SLC9A7: variants seen among roughly 807,000 people sequenced by gnomAD.
SLC9A7 encodes solute carrier family 9 member A7, also known as sodium/hydrogen exchanger 7.
Under a neutral mutation model 52.6 loss-of-function variants are expected in SLC9A7, and 19 were observed. The observed-to-expected ratio is 0.36, with a 90% confidence interval of 0.25 to 0.53. The LOEUF (loss-of-function observed/expected upper bound fraction) is 0.53, where lower values mean the gene tolerates loss of function less well. Ranked by LOEUF, SLC9A7 falls within the 20% of genes least tolerant of loss-of-function variation. The probability of loss-of-function intolerance (pLI) is 0.91; values close to 1 mark genes in which losing one functional copy is unlikely to be tolerated. For missense variants in SLC9A7, 455 were observed against 597.9 expected, an observed-to-expected ratio of 0.76 and a Z score of 2.49; for synonymous variants, 226 against 252.1, an observed-to-expected ratio of 0.90 and a Z score of 0.98.
chrX:46,744,154 T>C (rs1423201850), intron 1 of SLC9A7, among the ~76,000 whole-genome samples: 1 of 112,272 alleles, frequency 8.9e-6, no homozygotes, highest in Non-Finnish European at 1.9e-5. Context: ...TACATCCACA[T>C]TCCAGGAAGC....
rs896438679 is a variant in SLC9A7, at chrX:46,602,973, A to G, written c.*3979T>C. 12 of 112,718 alleles carry G rather than the reference A, an allele frequency of 1.1e-4. No individual in the cohort carries two copies. The highest frequency in any genetic ancestry group is 9.4e-4 in the Admixed American group (10 of 10,656). The allele number at this position is 112,718 out of a possible 1,213,427, so 9.3% of individuals were successfully genotyped here. On this transcript the variant is annotated 3_prime_UTR_variant, in exon 17 of 17. Transcript: ENST00000616978. Reference sequence around the variant, plus strand: ...AGTGCCTTACTTTGATTCACCAAATATTTGTAATCAAATAAGGACTTAGAA... The same window carrying G: ...AGTGCCTTACTTTGATTCACCAAATGTTTGTAATCAAATAAGGACTTAGAA...
intron 3 of SLC9A7, among the ~76,000 whole-genome samples, chrX:46,674,454 TATA>T (rs1944077536): frequency 1.8e-5 from 2 of 112,089 alleles, no homozygotes; most frequent in African/African-American, 6.5e-5. Flanking sequence ...TGTTTTCACA[TATA>T]TTAGCCCATC....
chrX:46,758,441 G>T (rs1490583552), intron 1 of SLC9A7, among the ~76,000 whole-genome samples: 2 of 111,862 alleles, frequency 1.8e-5, no homozygotes, highest in Non-Finnish European at 3.8e-5. Context: ...AGACCGAACG[G>T]GGCAGACGGA....
chrX:46,714,612 C>T (rs1944741988), intron 1 of SLC9A7, among the ~76,000 whole-genome samples: 2 of 111,522 alleles, frequency 1.8e-5, no homozygotes, highest in Admixed American at 1.9e-4. Context: ...TTTGAGATCC[C>T]CGACAAATAT....
rs377486207 is a variant in SLC9A7 at position 46,634,582 on chromosome X, C to T, written c.1676+1007G>A. Among the ~76,000 whole-genome samples the T allele has an allele frequency of 1.2e-4, 13 of 112,016 alleles. No individual in the cohort carries two copies. The South Asian group carries it at 4.1e-3, about 35-fold the overall frequency. On this transcript the variant is annotated intron_variant, in intron 13 of 16. Transcript: ENST00000616978. ...CTCATGTCCCAAGTCTAATAACTTACACTTTGCCTGAAGGACTTTCCTTCT... is the reference window on the plus strand; with the variant it reads ...CTCATGTCCCAAGTCTAATAACTTATACTTTGCCTGAAGGACTTTCCTTCT...
chrX:46,662,205 A>C, intron 6 of SLC9A7, 48 bp from the exon 7 acceptor site: 1 of 1,090,438 alleles, frequency 9.2e-7, no homozygotes, highest in East Asian at 3.1e-5. Flanking sequence ...CACAGGTTTT[A>C]CACTATGGTA....
Position 46,607,075 on chromosome X carries a change from C to T in SLC9A7, c.2058G>A (p.Leu686=), listed in dbSNP as rs771858032. Residue 686 remains leucine (L), a synonymous_variant, in exon 17 of 17, where the codon CTG becomes CTA. Coordinates refer to ENST00000616978, the MANE Select transcript of SLC9A7 (RefSeq NM_001257291.2). ...TGCTCTTCGTTCTCCGGCTGCCCTCCAGACTCGTGGAGGCGGTGTGCGAAC... is the reference window on the plus strand; with the variant it reads ...TGCTCTTCGTTCTCCGGCTGCCCTCTAGACTCGTGGAGGCGGTGTGCGAAC... ...SSSSHTASTS[L]EGSRRTKSSS... The T allele has an allele frequency of 8.3e-7, 1 of 1,211,772 alleles. No individual in the cohort carries two copies. Among genetic ancestry groups the T allele is most frequent in the East Asian group, 3.0e-5 (1 of 33,845 alleles).
chrX:46,700,606 C>T (rs182950221), intron 1 of SLC9A7, among the ~76,000 whole-genome samples: 34 of 112,562 alleles, frequency 3.0e-4, no homozygotes, highest in South Asian at 7.3e-4. Flanking sequence ...GTACACATCA[C>T]TTGTAAGAAC....
chrX:46,631,289 T>C (rs1456990030), intron 14 of SLC9A7, among the ~76,000 whole-genome samples: 1 of 112,016 alleles, frequency 8.9e-6, no homozygotes, highest in Admixed American at 9.4e-5. Context: ...TCGGAACCAG[T>C]TGTAGAACCA....
At chrX:46,716,926 A>G (rs764720563) in intron 1 of SLC9A7, among the ~76,000 whole-genome samples, 76 of 112,241 alleles carry the variant, frequency 6.8e-4, no homozygotes, top group Non-Finnish European at 1.1e-3. Context: ...AAGGCTGCCC[A>G]GGACAGAAAT....
At chrX:46,628,011 CACAG>C (rs779548390) in intron 14 of SLC9A7, among the ~76,000 whole-genome samples, 6 of 112,799 alleles carry the variant, frequency 5.3e-5, no homozygotes, top group Non-Finnish European at 9.4e-5. Flanking sequence ...ACTACATACA[CACAG>C]ACAGACACGC....
intron 1 of SLC9A7, among the ~76,000 whole-genome samples, chrX:46,731,669 A>T (rs2146979805): frequency 9.0e-6 from 1 of 110,726 alleles, no homozygotes; most frequent in African/African-American, 3.3e-5. Flanking sequence ...TAGTTATAAC[A>T]ACAAACTTCT....
At chrX:46,746,790 G>T (rs1442230193) in intron 1 of SLC9A7, among the ~76,000 whole-genome samples, 1 of 112,334 alleles carries the variant, frequency 8.9e-6, no homozygotes, top group Non-Finnish European at 1.9e-5. Flanking sequence ...CACTTACTGG[G>T]TATATACCCA....
chrX:46,685,718 A>G (rs1944284217), intron 1 of SLC9A7: 1 of 111,272 alleles, frequency 9.0e-6, no homozygotes, highest in Admixed American at 9.5e-5. Context: ...TTTTAGTCTT[A>G]TTTCACTCCC....
intron 1 of SLC9A7, among the ~76,000 whole-genome samples, chrX:46,758,384 T>C (rs1405230805): frequency 8.9e-6 from 1 of 111,854 alleles, no homozygotes; most frequent in Non-Finnish European, 1.9e-5. Flanking sequence ...ACACACCCTA[T>C]CGAGCTCAAC....
intron 1 of SLC9A7, among the ~76,000 whole-genome samples, chrX:46,723,206 G>A (rs1944887021): frequency 1.9e-5 from 2 of 104,546 alleles, no homozygotes; most frequent in South Asian, 8.8e-4. Flanking sequence ...GTAATATAAG[G>A]CTCATCTTCA....
intron 11 of SLC9A7, among the ~76,000 whole-genome samples, chrX:46,645,455 G>C (rs1426030299): frequency 9.0e-6 from 1 of 111,341 alleles, no homozygotes; most frequent in African/African-American, 3.3e-5. Context: ...TGGCAGCTCA[G>C]AAATGTTAGA....
chrX:46,646,916 G>T, intron 11 of SLC9A7: 1 of 317,117 alleles, frequency 3.2e-6, no homozygotes, highest in Non-Finnish European at 6.2e-6. Flanking sequence ...TCAGTGAGGG[G>T]TACATACCTG....
intron 1 of SLC9A7, among the ~76,000 whole-genome samples, chrX:46,686,883 T>C (rs1186463686): frequency 8.9e-6 from 1 of 112,422 alleles, no homozygotes; most frequent in Non-Finnish European, 1.9e-5. Context: ...TTGATGTGGC[T>C]TAAAACAAGA....
Sources: allele counts gnomAD v4.1 joint callset (sites outside exome capture counted in the v4.1 genomes callset), GRCh38; gene constraint gnomAD v4.1.1; transcripts MANE v1.5; gene names NCBI Gene and HGNC (gene_info 2026-07-23, HGNC 2026-07-21).